Variants in NEGR1 observed in about 807,000 individuals in gnomAD.
The protein encoded by NEGR1 is neuronal growth regulator 1.
In NEGR1, 10 loss-of-function variants were observed where a neutral mutation model predicts 40.9. The observed-to-expected ratio is 0.24, with a 90% CI of 0.15 to 0.42. The LOEUF is 0.42. Among genes scored for constraint, NEGR1 ranks in the 10% least tolerant of loss-of-function variants. The pLI is 1.00. For missense variants in NEGR1, 352 were observed against 438.9 expected, an observed-to-expected ratio of 0.80 and a Z score of 1.77; for synonymous variants, 185 against 166.8, an observed-to-expected ratio of 1.11 and a Z score of -0.84.
At chr1:72,234,803 T>C (rs1654494966) in intron 1 of NEGR1, among the ~76,000 whole-genome samples, 1 of 152,010 alleles carries the variant, frequency 6.6e-6, no homozygotes, top group East Asian at 1.9e-4. Context: ...GGTCAGGTTG[T>C]ATAGAAAAAG....
At chr1:71,615,444 G>T (rs1650419026) in intron 4 of NEGR1, among the ~76,000 whole-genome samples, 1 of 152,102 alleles carries the variant, frequency 6.6e-6, no homozygotes, top group Non-Finnish European at 1.5e-5. Context: ...TTTGAACAAA[G>T]AATTAAATGA....
chr1:71,701,969 G>C (rs1200949540), intron 3 of NEGR1, among the ~76,000 whole-genome samples: 1 of 151,950 alleles, frequency 6.6e-6, no homozygotes, highest in Non-Finnish European at 1.5e-5. Flanking sequence ...AGAAATAATG[G>C]AGTTTATGGA....
At chr1:71,570,659 A>ATTATTATTG (rs1449204424) in intron 6 of NEGR1, among the ~76,000 whole-genome samples, 1 of 151,214 alleles carries the variant, frequency 6.6e-6, no homozygotes, top group South Asian at 2.1e-4. Context: ...TATTATTATT[A>ATTATTATTG]TTATTATTAC....
intron 1 of NEGR1, among the ~76,000 whole-genome samples, chr1:72,263,164 T>G (rs968322854): frequency 6.6e-6 from 1 of 151,606 alleles, no homozygotes; most frequent in Non-Finnish European, 1.5e-5. Flanking sequence ...TTATTAAAAA[T>G]AGTTATTTTT....
Position 71,495,813 on chromosome 1 carries a change from A to G in NEGR1, c.941-88243T>C, listed in dbSNP as rs565078715. Reference sequence around the variant, plus strand: ...TAGTGATACTGGCAAGAAGGCATCAATCATTTTCCTAAGGAACCACTGTAT... The same window carrying G: ...TAGTGATACTGGCAAGAAGGCATCAGTCATTTTCCTAAGGAACCACTGTAT... On this transcript the variant is annotated intron_variant, in intron 6 of 6. Coordinates refer to ENST00000357731, the MANE Select transcript of NEGR1 (RefSeq NM_173808.3). Among the ~76,000 whole-genome samples the G allele has an allele frequency of 1.3e-3, 199 of 152,316 alleles. 3 individuals carry two copies. Among genetic ancestry groups the G allele is most frequent in the Non-Finnish European group, 1.0e-3 (71 of 68,034 alleles).
intron 2 of NEGR1, among the ~76,000 whole-genome samples, chr1:71,929,834 T>G (rs1645838280): frequency 6.6e-6 from 1 of 152,044 alleles, no homozygotes; most frequent in Admixed American, 6.6e-5. Context: ...TGTGGTGTCC[T>G]TCTCTTTCAG....
chr1:71,887,749 G>A (rs183295378), intron 2 of NEGR1, among the ~76,000 whole-genome samples: 2 of 152,026 alleles, frequency 1.3e-5, no homozygotes, highest in East Asian at 3.9e-4. Flanking sequence ...CTATTTTGTT[G>A]TTGTTTTTAC....
At chr1:71,424,922 C>A (rs1646419571) in intron 6 of NEGR1, among the ~76,000 whole-genome samples, 1 of 152,122 alleles carries the variant, frequency 6.6e-6, no homozygotes. Context: ...TGCAGAAAAC[C>A]TAGTTAAGTC....
rs1646244156 is a variant in NEGR1, at chr1:71,401,108, C to T, written c.*6338G>A. On this transcript the variant is annotated 3_prime_UTR_variant, in exon 7 of 7. Coordinates refer to ENST00000357731, the MANE Select transcript of NEGR1 (RefSeq NM_173808.3). Reference sequence around the variant, plus strand: ...GAAAAACCACTAATTACTTGGAACACACTTTTACAGGTTACCTGATTCTGA... The same window carrying T: ...GAAAAACCACTAATTACTTGGAACATACTTTTACAGGTTACCTGATTCTGA... The T allele has an allele frequency of 6.6e-6, 1 of 152,136 alleles. No individual in the cohort carries two copies. Among genetic ancestry groups the T allele is most frequent in the African/African-American group, 2.4e-5 (1 of 41,444 alleles). 9.4% of individuals were successfully genotyped at this position (152,136 alleles called of 1,614,324 possible).
chr1:72,057,345 T>G (rs1647121212), intron 1 of NEGR1, among the ~76,000 whole-genome samples: 1 of 151,506 alleles, frequency 6.6e-6, no homozygotes, highest in Non-Finnish European at 1.5e-5. Flanking sequence ...ATACCTTAGA[T>G]TGGCATGTAT....
At chr1:71,775,946 TCG>T (rs1319107310) in intron 3 of NEGR1, among the ~76,000 whole-genome samples, 1 of 151,584 alleles carries the variant, frequency 6.6e-6, no homozygotes, top group East Asian at 2.0e-4. Flanking sequence ...TGAGACCGGT[TCG>T]CGCCACTGAG....
chr1:71,609,244 G>C (rs558668005), intron 5 of NEGR1, among the ~76,000 whole-genome samples: 1 of 151,698 alleles, frequency 6.6e-6, no homozygotes. Flanking sequence ...GGCCGGGCGC[G>C]GTGGCTCACG....
intron 2 of NEGR1, among the ~76,000 whole-genome samples, chr1:71,785,787 G>T (rs1189327264): frequency 2.0e-5 from 3 of 152,122 alleles, no homozygotes; most frequent in African/African-American, 7.2e-5. Context: ...TAGGGTTTTT[G>T]AAAACATGAG....
chr1:71,457,938 G>A (rs572374448), intron 6 of NEGR1, among the ~76,000 whole-genome samples: 34 of 152,200 alleles, frequency 2.2e-4, no homozygotes, highest in East Asian at 1.2e-3. Context: ...TCGTGACCTC[G>A]TGATCCGCCC....
intron 4 of NEGR1, among the ~76,000 whole-genome samples, chr1:71,697,781 A>C (rs1653529770): frequency 6.6e-6 from 1 of 151,738 alleles, no homozygotes; most frequent in Non-Finnish European, 1.5e-5. Context: ...TATTAAACAC[A>C]TTTCACTCCA....
At chr1:72,036,244 T>C (rs554371087) in intron 1 of NEGR1, among the ~76,000 whole-genome samples, 75 of 152,312 alleles carry the variant, frequency 4.9e-4, no homozygotes, top group African/African-American at 1.4e-3. Flanking sequence ...ATATAGCTTA[T>C]TTATTTATAT....
rs751848901 is a variant in NEGR1, at chr1:71,698,010, T to C, written c.665A>G (p.Asn222Ser). 6.2e-6 allele frequency: 10 copies of C among 1,610,688 alleles called. No individual in the cohort carries two copies. Among genetic ancestry groups the C allele is most frequent in the Non-Finnish European group, 8.5e-6 (10 of 1,177,904 alleles). Reference sequence around the variant, plus strand: ...TGATAAAAGGTGATGACACTTACAGTTGACAACAACTTTTACTTTCCTCAC... The same window carrying C: ...TGATAAAAGGTGATGACACTTACAGCTGACAACAACTTTTACTTTCCTCAC... ...PDVRKVKVVVNFAPTIQEIKS... is the reference protein window; with the variant it reads ...PDVRKVKVVVSFAPTIQEIKS... The change falls in exon 4 of 7, where the codon AAC becomes AGC. Residue 222 changes from asparagine to serine, a missense_variant and splice_region_variant. Physicochemically the swap from Asn to Ser is conservative, Grantham distance 46 (BLOSUM62 1). This residue lies in a region of NEGR1 where 184 missense variants were observed against 208.7 expected (regional missense o/e 0.88). Coordinates refer to ENST00000357731, the MANE Select transcript of NEGR1 (RefSeq NM_173808.3).
intron 1 of NEGR1, among the ~76,000 whole-genome samples, chr1:72,246,576 T>A (rs1654909442): frequency 6.6e-6 from 1 of 152,238 alleles, no homozygotes; most frequent in Non-Finnish European, 1.5e-5. Flanking sequence ...ACTTCAGAAC[T>A]TTTAACATCT....
At chr1:71,645,744 T>C (rs1169032608) in intron 4 of NEGR1, among the ~76,000 whole-genome samples, 2 of 151,834 alleles carry the variant, frequency 1.3e-5, no homozygotes, top group African/African-American at 4.8e-5. Flanking sequence ...TATCTCCACA[T>C]TGTCTGTAGT....
Sources: gnomAD v4.1 joint callset for allele counts (sites outside exome capture counted in the v4.1 genomes callset) on GRCh38, gnomAD v4.1.1 for gene constraint, gnomAD v4.1.1 regional missense constraint, MANE v1.5 for transcripts, NCBI Gene and HGNC (gene_info 2026-07-23, HGNC 2026-07-21) for gene names.